The following NCOR2 variants were observed in gnomAD, a reference collection of about 807,000 sequenced individuals.
NCOR2 encodes CTG repeat protein 26.
A neutral mutation model predicts 262.9 loss-of-function variants in NCOR2; 81 were observed. The ratio of observed to expected loss-of-function variants is 0.31; its 90% CI spans 0.26 to 0.37. The LOEUF is 0.37. NCOR2 is among the 10% of genes least tolerant of loss of function. NCOR2 has a pLI of 1.00. For synonymous variants in NCOR2, 1,659 were observed against 1,559.3 expected (o/e 1.06, Z -1.51); for missense variants, 3,385 against 3,621.4 (o/e 0.93, Z 1.68).
At position 124,378,502 on chromosome 12, in the gene NCOR2, G is replaced by T; in HGVS notation, c.2020-118C>A. 1 of 1,058,686 alleles carries T rather than the reference G, an allele frequency of 9.4e-7. No homozygotes were observed. Among genetic ancestry groups the T allele is most frequent in the Non-Finnish European group, 1.3e-6 (1 of 754,034 alleles). The allele number at this position is 1,058,686 out of a possible 1,614,324, so 65.6% of individuals were successfully genotyped here. On this transcript the variant is annotated intron_variant, in intron 17 of 46. Transcript: ENST00000405201. This position sits in a 1 kb window ranked among gnomAD's most constrained non-coding sequence, Gnocchi z 4.2. ...GCAGTGATCCCGGCCATGTAGCAAT[G>T]AGGGTGACCGTCCCCCTCACACCCC...
intron 4 of NCOR2, among the ~76,000 whole-genome samples, chr12:124,468,351 ATCATCC>A (rs1341705527): frequency 6.3e-4 from 24 of 38,374 alleles, no homozygotes; most frequent in Admixed American, 1.5e-3. Context: ...CCTCACCCCC[ATCATCC>A]TCATCCTCAT....
intron 3 of NCOR2, among the ~76,000 whole-genome samples, chr12:124,473,836 A>G (rs1325435691): frequency 2.0e-5 from 3 of 151,810 alleles, no homozygotes; most frequent in Non-Finnish European, 4.4e-5. Context: ...CCCCTCCCCA[A>G]TACACCCCGG....
chr12:124,382,291 G>A (rs2040467164), intron 17 of NCOR2, among the ~76,000 whole-genome samples: 1 of 152,186 alleles, frequency 6.6e-6, no homozygotes, highest in African/African-American at 2.4e-5. Flanking sequence ...AAGACGGATG[G>A]CCTGGCCTGA....
intron 1 of NCOR2, among the ~76,000 whole-genome samples, chr12:124,547,199 G>T (rs2051570376): frequency 6.6e-6 from 1 of 151,904 alleles, no homozygotes; most frequent in Non-Finnish European, 1.5e-5. Flanking sequence ...CACCATGTTG[G>T]CCAGGCTGGT....
At chr12:124,353,580 C>T (rs1447559810) in intron 27 of NCOR2, among the ~76,000 whole-genome samples, 1 of 152,240 alleles carries the variant, frequency 6.6e-6, no homozygotes, top group Non-Finnish European at 1.5e-5. Context: ...GGCACAAAAC[C>T]TTGGGTCCAC....
At chr12:124,455,549 T>C (rs1316012323) in intron 6 of NCOR2, among the ~76,000 whole-genome samples, 1 of 152,236 alleles carries the variant, frequency 6.6e-6, no homozygotes, top group Admixed American at 6.5e-5. Flanking sequence ...TTGTAGTTCC[T>C]GAGTGGCCTC....
intron 28 of NCOR2, among the ~76,000 whole-genome samples, chr12:124,349,259 G>C (rs2135879145): frequency 6.6e-6 from 1 of 152,296 alleles, no homozygotes; most frequent in South Asian, 2.1e-4. Context: ...ATCTAGCCAG[G>C]GCTCTCCTTC....
At chr12:124,392,172 C>T (rs968573742) in intron 16 of NCOR2, among the ~76,000 whole-genome samples, 3 of 152,216 alleles carry the variant, frequency 2.0e-5, no homozygotes, top group South Asian at 2.1e-4. Context: ...CATGTGGATG[C>T]GGATTCATGG....
chr12:124,478,952 A>G (rs1323163488), intron 3 of NCOR2, among the ~76,000 whole-genome samples: 1 of 152,184 alleles, frequency 6.6e-6, no homozygotes, highest in Non-Finnish European at 1.5e-5. Context: ...TCCTGACAAG[A>G]AGAGGGAAAG....
At chr12:124,515,180 C>A (rs1413880029) in intron 1 of NCOR2, among the ~76,000 whole-genome samples, 1 of 152,094 alleles carries the variant, frequency 6.6e-6, no homozygotes, top group Non-Finnish European at 1.5e-5. Context: ...CAGTTACAGG[C>A]CAGCTTCATG....
rs539864343 is a variant in NCOR2 at position 124,481,760 on chromosome 12, C to T, written c.411+1836G>A. ...GCTTTTTCCTGCTTGAGACAGGAGCCATGGATGGTTTGGAGCACAGGGGGG... is the reference window on the plus strand; with the variant it reads ...GCTTTTTCCTGCTTGAGACAGGAGCTATGGATGGTTTGGAGCACAGGGGGG... On this transcript the variant is annotated intron_variant, in intron 3 of 46. Coordinates refer to ENST00000405201, the Ensembl canonical transcript of NCOR2. The surrounding 1 kb of genome is among the most constrained non-coding windows in gnomAD (Gnocchi z 4.6). Among the ~76,000 whole-genome samples, 4 of 152,058 alleles carry T rather than the reference C, an allele frequency of 2.6e-5. No homozygotes were observed. Among genetic ancestry groups the T allele is most frequent in the Non-Finnish European group, 5.9e-5 (4 of 67,990 alleles).
chr12:124,473,250 T>G, intron 3 of NCOR2, 119 bp from the exon 6 acceptor site: 1 of 1,211,168 alleles, frequency 8.3e-7, no homozygotes, highest in South Asian at 1.4e-5. Context: ...GTATTGATCC[T>G]CGGTATGTCT....
intron 16 of NCOR2, chr12:124,388,684 C>T: frequency 7.7e-7 from 1 of 1,304,484 alleles, no homozygotes; most frequent in Non-Finnish European, 1.0e-6. Flanking sequence ...CACTCACTCA[C>T]ATCCTCTCAT....
In NCOR2 at chr12:124,523,595, C is replaced by T. The variant is rs2050305171; in HGVS notation, c.-118+11970G>A. The stretch of plus-strand genomic sequence containing the variant: ...CTGGGCCACACTAAAAGAACTGTCT[C>T]GGATCACACATAACACTAACACTAA... On this transcript the variant is annotated intron_variant, in intron 1 of 46. Transcript: ENST00000404621. The surrounding 1 kb of genome is among the most constrained non-coding windows in gnomAD (Gnocchi z 4.0). Among the ~76,000 whole-genome samples the T allele has an allele frequency of 6.7e-6, 1 of 149,052 alleles. No individual in the cohort carries two copies. The highest frequency in any genetic ancestry group is 1.5e-5 in the Non-Finnish European group (1 of 67,674).
intron 12 of NCOR2, among the ~76,000 whole-genome samples, chr12:124,420,954 G>C (rs1220451582): frequency 6.6e-6 from 1 of 152,188 alleles, no homozygotes; most frequent in East Asian, 1.9e-4. Context: ...GCGGCCCCAG[G>C]CTAAACCCAG....
intron 16 of NCOR2, among the ~76,000 whole-genome samples, chr12:124,391,717 G>A (rs1327216666): frequency 6.6e-6 from 1 of 152,100 alleles, no homozygotes. Flanking sequence ...CTTAGCCTCC[G>A]CATCAGCAAT....
intron 5 of NCOR2, among the ~76,000 whole-genome samples, chr12:124,458,455 A>T (rs1035723734): frequency 4.6e-5 from 7 of 152,154 alleles, no homozygotes; most frequent in African/African-American, 1.7e-4. Flanking sequence ...CCAAGAGCAG[A>T]GCCATGCTCT....
chr12:124,451,360 C>A (rs1593601971), intron 6 of NCOR2, among the ~76,000 whole-genome samples: 1 of 152,206 alleles, frequency 6.6e-6, no homozygotes, highest in Non-Finnish European at 1.5e-5. Flanking sequence ...CTGCTTTGTT[C>A]CCCAGCAGTA....
At chr12:124,330,638 C>T (rs2035100771) in intron 44 of NCOR2, among the ~76,000 whole-genome samples, 1 of 152,262 alleles carries the variant, frequency 6.6e-6, no homozygotes, top group Non-Finnish European at 1.5e-5. Context: ...AGATTCCCTG[C>T]ACAGCGAGGA....
Sources: gnomAD v4.1 joint callset for allele counts (sites outside exome capture counted in the v4.1 genomes callset) on GRCh38, gnomAD v4.1.1 for gene constraint, Gnocchi (gnomAD v3.1) non-coding constraint, MANE v1.5 for transcripts, NCBI Gene and HGNC (gene_info 2026-07-23, HGNC 2026-07-21) for gene names.